LOXL2: variants seen among roughly 807,000 people sequenced by gnomAD.
LOXL2 encodes the protein lysyl oxidase homolog 2.
LOXL2 carries 70 observed loss-of-function variants against 93.0 expected under a neutral mutation model. The ratio of observed to expected loss-of-function variants is 0.75; its 90% CI spans 0.62 to 0.92. The LOEUF (loss-of-function observed/expected upper bound fraction) is 0.92. Ranked by LOEUF, LOXL2 falls within the 40% of genes least tolerant of loss-of-function variation. The pLI is 0.00. For missense variants in LOXL2, 973 were observed against 1,054.9 expected, an observed-to-expected ratio of 0.92 and a Z score of 1.08; for synonymous variants, 438 against 413.2, an observed-to-expected ratio of 1.06 and a Z score of -0.73.
At chr8:23,346,107 A>T (rs59672474) in intron 3 of LOXL2, among the ~76,000 whole-genome samples, 79,539 of 136,410 alleles carry the variant, frequency 0.58, 24,099 homozygotes, top group African/African-American at 0.73. Context: ...AAAATAAAAT[A>T]AAATAAAATT....
intron 1 of LOXL2, among the ~76,000 whole-genome samples, chr8:23,397,368 A>C (rs983309816): frequency 6.6e-6 from 1 of 152,186 alleles, no homozygotes; most frequent in Non-Finnish European, 1.5e-5. Context: ...TATGTTACGT[A>C]TATTTTACCA....
chr8:23,342,320 C>CG (rs1407357755), intron 3 of LOXL2, among the ~76,000 whole-genome samples: 5 of 152,318 alleles, frequency 3.3e-5, no homozygotes, highest in East Asian at 3.9e-4. Context: ...GAAGCTCCCC[C>CG]CTAAATCACT....
At chr8:23,302,241 C>T (rs570545500) in intron 11 of LOXL2, 78 bp from the exon 12 acceptor site, 14 of 1,572,530 alleles carry the variant, frequency 8.9e-6, no homozygotes, top group Non-Finnish European at 1.1e-5. Context: ...CTTCCAAGGC[C>T]CCTACCGCTG....
At chr8:23,370,180 G>A (rs939857913) in intron 1 of LOXL2, among the ~76,000 whole-genome samples, 1 of 151,988 alleles carries the variant, frequency 6.6e-6, no homozygotes, top group African/African-American at 2.4e-5. Context: ...CCTGCCCATG[G>A]CACACATCCC....
chr8:23,298,569 T>C (rs1803076739), intron 13 of LOXL2, among the ~76,000 whole-genome samples: 1 of 152,244 alleles, frequency 6.6e-6, no homozygotes. Context: ...AATGAGCCAG[T>C]GGCCTCAGCT....
At chr8:23,371,039 AG>A (rs745457186) in intron 1 of LOXL2, 1 of 152,310 alleles carries the variant, frequency 6.6e-6, no homozygotes, top group Non-Finnish European at 1.5e-5. Flanking sequence ...CAAGATAGAA[AG>A]AAAAATCTTA....
intron 3 of LOXL2, among the ~76,000 whole-genome samples, chr8:23,346,406 T>C (rs67981283): frequency 0.41 from 61,492 of 151,620 alleles, 13,339 homozygotes; most frequent in African/African-American, 0.57. Flanking sequence ...TCACATCCTC[T>C]GGCAGGGCCT....
intron 9 of LOXL2, among the ~76,000 whole-genome samples, chr8:23,315,011 G>C (rs564993661): frequency 1.3e-5 from 2 of 152,144 alleles, no homozygotes; most frequent in African/African-American, 4.8e-5. Context: ...CCCTGGTCAC[G>C]GAAGTGCAGT....
chr8:23,319,535 C>G (rs1335453747), intron 8 of LOXL2, among the ~76,000 whole-genome samples: 1 of 152,158 alleles, frequency 6.6e-6, no homozygotes, highest in African/African-American at 2.4e-5. Flanking sequence ...CCCCGAAGGA[C>G]TGAGTTGGTT....
In LOXL2 at chr8:23,345,293, C is replaced by A. The variant is rs138486748; in HGVS notation, c.532-4090G>T. ...AGCAGTCCTCATCTCATGCCTGTGT[C>A]CAATACATTGCCTGGTACTGAGGGT... On this transcript the variant is annotated intron_variant, in intron 3 of 13. Transcript: ENST00000389131. Among the ~76,000 whole-genome samples, 39 of 152,318 alleles carry A rather than the reference C, an allele frequency of 2.6e-4. No homozygotes were observed. The East Asian group carries it at 6.9e-3, about 27-fold the overall frequency.
intron 2 of LOXL2, among the ~76,000 whole-genome samples, chr8:23,361,549 A>T (rs1804290711): frequency 1.3e-5 from 2 of 152,182 alleles, no homozygotes; most frequent in Admixed American, 1.3e-4. Flanking sequence ...CTACTATCAA[A>T]AAAACAGAAA....
At chr8:23,388,661 ACACACACACT>A (rs753689561) in intron 1 of LOXL2, among the ~76,000 whole-genome samples, 32 of 126,358 alleles carry the variant, frequency 2.5e-4, no homozygotes, top group South Asian at 5.1e-4. Context: ...ACACACACAC[ACACACACACT>A]AGAAATGTAC....
chr8:23,346,468 G>A (rs916423168), intron 3 of LOXL2, among the ~76,000 whole-genome samples: 14 of 152,280 alleles, frequency 9.2e-5, no homozygotes, highest in African/African-American at 3.4e-4. Flanking sequence ...ACCAAGGCAC[G>A]ACCATGCAAG....
intron 6 of LOXL2, among the ~76,000 whole-genome samples, chr8:23,324,146 C>T (rs558838936): frequency 7.9e-5 from 12 of 152,330 alleles, no homozygotes; most frequent in African/African-American, 2.6e-4. Context: ...CAGCTCAAGA[C>T]TGGACAGGAC....
intron 9 of LOXL2, among the ~76,000 whole-genome samples, chr8:23,310,623 T>C (rs371534278): frequency 1.4e-4 from 22 of 152,372 alleles, no homozygotes; most frequent in African/African-American, 5.3e-4. Flanking sequence ...GCATATAACT[T>C]ATTTTTTTCT....
At position 23,317,738 on chromosome 8, in the gene LOXL2, C is replaced by T. The variant is rs73671504; in HGVS notation, c.1471-624G>A. Among the ~76,000 whole-genome samples, 223 of 152,230 alleles carry T rather than the reference C, an allele frequency of 1.5e-3. 1 individual carries two copies. The highest frequency in any genetic ancestry group is 4.8e-3 in the African/African-American group (198 of 41,534). On this transcript the variant is annotated intron_variant, in intron 8 of 13. Transcript: ENST00000389131. ...TTGGCCCCTTTGCTCTATGGGCCTT[C>T]GAAATACTGTTAGGATTTACTCTCA...
intron 1 of LOXL2, among the ~76,000 whole-genome samples, chr8:23,401,678 C>G (rs1162009637): frequency 6.6e-6 from 1 of 152,206 alleles, no homozygotes; most frequent in Non-Finnish European, 1.5e-5. Flanking sequence ...TGGGACTCAA[C>G]ACCTTCGCTG....
intron 1 of LOXL2, among the ~76,000 whole-genome samples, chr8:23,370,234 A>G (rs1256527185): frequency 6.6e-6 from 1 of 152,126 alleles, no homozygotes; most frequent in Non-Finnish European, 1.5e-5. Flanking sequence ...CACCTAGAAC[A>G]ACGCGCCTCC....
At chr8:23,307,012 G>T (rs752220889) in intron 10 of LOXL2, among the ~76,000 whole-genome samples, 6 of 152,224 alleles carry the variant, frequency 3.9e-5, no homozygotes, top group Non-Finnish European at 5.9e-5. Context: ...TCAAAGAACA[G>T]AGCTCTCTTC....
Sources: gnomAD v4.1 joint callset for allele counts (sites outside exome capture counted in the v4.1 genomes callset) on GRCh38, gnomAD v4.1.1 for gene constraint, MANE v1.5 for transcripts, NCBI Gene and HGNC (gene_info 2026-07-23, HGNC 2026-07-21) for gene names.